DPF3: variants seen among roughly 807,000 people sequenced by gnomAD.
DPF3 encodes the protein double PHD fingers 3.
A neutral mutation model predicts 56.8 loss-of-function variants in DPF3; 18 were observed. The ratio of observed to expected loss-of-function variants is 0.32; its 90% confidence interval spans 0.22 to 0.47. The LOEUF (loss-of-function observed/expected upper bound fraction) is 0.47. DPF3 is among the 20% of genes least tolerant of loss of function. The probability of loss-of-function intolerance (pLI) is 1.00; values close to 1 mark genes in which losing one functional copy is unlikely to be tolerated. For missense variants in DPF3, 403 were observed against 488.8 expected, an observed-to-expected ratio of 0.82 and a Z score of 1.65; for synonymous variants, 188 against 180.2, an observed-to-expected ratio of 1.04 and a Z score of -0.35.
chr14:72,800,794 A>C (rs1892863078), intron 1 of DPF3, among the ~76,000 whole-genome samples: 1 of 151,858 alleles, frequency 6.6e-6, no homozygotes, highest in African/African-American at 2.4e-5. Flanking sequence ...GGGTGGATGC[A>C]GGGATGGATG....
intron 1 of DPF3, among the ~76,000 whole-genome samples, chr14:72,869,822 C>T (rs1482466431): frequency 1.3e-5 from 2 of 152,124 alleles, no homozygotes; most frequent in Non-Finnish European, 2.9e-5. Flanking sequence ...AACGATCTTC[C>T]TCCCTCCTAT....
intron 1 of DPF3, among the ~76,000 whole-genome samples, chr14:72,893,538 C>T (rs1318082570): frequency 1.3e-5 from 2 of 152,102 alleles, no homozygotes; most frequent in Non-Finnish European, 2.9e-5. Flanking sequence ...CGAAGAGCGC[C>T]CTGCAAACTC....
chr14:72,717,321 A>G (rs961550383), intron 5 of DPF3, among the ~76,000 whole-genome samples: 4 of 152,202 alleles, frequency 2.6e-5, no homozygotes, highest in Non-Finnish European at 5.9e-5. Context: ...AGTTTTCTCA[A>G]CTGTAAAATG....
rs139648488 is a variant in DPF3, at chr14:72,821,964, G to A, written c.33-50071C>T. 5.7e-3 allele frequency among the ~76,000 whole-genome samples: 863 copies of A among 152,134 alleles called. 5 individuals carry two copies. Among genetic ancestry groups the A allele is most frequent in the Non-Finnish European group, 8.8e-3 (600 of 67,994 alleles). On this transcript the variant is annotated intron_variant, in intron 1 of 10. Coordinates refer to ENST00000556509, the MANE Select transcript of DPF3 (RefSeq NM_001280542.3). ...TCAAGGCTGCAGTAAGCTATGACAC[G>A]CCACTGCACTCCAGCCTGGGTGACA...
intron 7 of DPF3, chr14:72,675,583 C>A (rs1038805056): frequency 2.6e-5 from 4 of 152,210 alleles, no homozygotes; most frequent in Non-Finnish European, 4.4e-5. Flanking sequence ...AACGGATTCA[C>A]CCACTTTAAT....
In DPF3 at chr14:72,613,636, A is replaced by G. The variant is rs1175594213; in HGVS notation, c.*5661T>C. Among the ~76,000 whole-genome samples, 1 of 152,182 alleles carries G rather than the reference A, an allele frequency of 6.6e-6. No individual in the cohort carries two copies. Among genetic ancestry groups the G allele is most frequent in the Non-Finnish European group, 1.5e-5 (1 of 68,012 alleles). Reference sequence around the variant, plus strand: ...ACCCCCTCACAGCCAGGGCTCACTCAGAACCCAGAGAGAGCCTGTTCCCAG... The same window carrying G: ...ACCCCCTCACAGCCAGGGCTCACTCGGAACCCAGAGAGAGCCTGTTCCCAG... On this transcript the variant is annotated 3_prime_UTR_variant, in exon 11 of 11. Coordinates refer to ENST00000556509, the MANE Select transcript of DPF3 (RefSeq NM_001280542.3).
chr14:72,662,143 T>C, intron 8 of DPF3: 2 of 985,328 alleles, frequency 2.0e-6, no homozygotes, highest in South Asian at 4.7e-5. Context: ...CAATAGACTT[T>C]TGAAGGAGGA....
At chr14:72,860,247 A>G (rs1885343679) in intron 1 of DPF3, among the ~76,000 whole-genome samples, 1 of 152,204 alleles carries the variant, frequency 6.6e-6, no homozygotes, top group Admixed American at 6.5e-5. Flanking sequence ...CAGTGGCACA[A>G]TCATAGCTCA....
At chr14:72,776,786 A>T (rs1385620518) in intron 1 of DPF3, among the ~76,000 whole-genome samples, 1 of 151,632 alleles carries the variant, frequency 6.6e-6, no homozygotes, top group Non-Finnish European at 1.5e-5. Context: ...CCATACCAGA[A>T]ATGTGAGTCC....
At chr14:72,807,718 T>C (rs1882845981) in intron 1 of DPF3, among the ~76,000 whole-genome samples, 1 of 152,118 alleles carries the variant, frequency 6.6e-6, no homozygotes, top group African/African-American at 2.4e-5. Flanking sequence ...GTATGAATAT[T>C]AGAGCTACAA....
chr14:72,808,191 T>A (rs926805432), intron 1 of DPF3, among the ~76,000 whole-genome samples: 1 of 151,386 alleles, frequency 6.6e-6, no homozygotes, highest in African/African-American at 2.4e-5. Context: ...AAGAGAGAAA[T>A]GGAGTAAGGG....
intron 4 of DPF3, among the ~76,000 whole-genome samples, chr14:72,729,184 G>T (rs112957496): frequency 6.6e-6 from 1 of 152,234 alleles, no homozygotes; most frequent in Non-Finnish European, 1.5e-5. Context: ...GTAGGCAGAG[G>T]TTGCAGCGAG....
intron 6 of DPF3, among the ~76,000 whole-genome samples, chr14:72,697,711 G>A (rs1428782499): frequency 1.3e-5 from 2 of 152,174 alleles, no homozygotes; most frequent in African/African-American, 4.8e-5. Context: ...TGGATTTGAA[G>A]GTAGCGAGGG....
chr14:72,740,364 G>A (rs1890074672), intron 3 of DPF3, among the ~76,000 whole-genome samples: 1 of 152,246 alleles, frequency 6.6e-6, no homozygotes, highest in Non-Finnish European at 1.5e-5. Context: ...AGCAGATGTG[G>A]GGTGACCAGT....
intron 3 of DPF3, among the ~76,000 whole-genome samples, chr14:72,740,499 G>C (rs959874325): frequency 6.6e-6 from 1 of 152,162 alleles, no homozygotes; most frequent in African/African-American, 2.4e-5. Flanking sequence ...ATGTGTCCTG[G>C]GGGCAGTAAG....
At chr14:72,831,547 A>AG (rs1884059532) in intron 1 of DPF3, among the ~76,000 whole-genome samples, 1 of 152,158 alleles carries the variant, frequency 6.6e-6, no homozygotes, top group Non-Finnish European at 1.5e-5. Context: ...CTTCAAGAAC[A>AG]GGGGATCCAA....
At chr14:72,870,798 G>A (rs1317698455) in intron 1 of DPF3, among the ~76,000 whole-genome samples, 1 of 152,172 alleles carries the variant, frequency 6.6e-6, no homozygotes, top group African/African-American at 2.4e-5. Flanking sequence ...AACGAGGCTG[G>A]GCACAGTGGC....
At chr14:72,711,253 C>T (rs887362761) in intron 6 of DPF3, among the ~76,000 whole-genome samples, 10 of 152,100 alleles carry the variant, frequency 6.6e-5, no homozygotes, top group Admixed American at 2.6e-4. Flanking sequence ...ATGGCAGGGA[C>T]GGCAAATCTG....
intron 1 of DPF3, among the ~76,000 whole-genome samples, chr14:72,799,947 C>T (rs1047738495): frequency 1.3e-5 from 2 of 152,112 alleles, no homozygotes; most frequent in Non-Finnish European, 2.9e-5. Context: ...GACCGAGTCA[C>T]GAGTGAAGAA....
Sources: allele counts gnomAD v4.1 joint callset (sites outside exome capture counted in the v4.1 genomes callset), GRCh38; gene constraint gnomAD v4.1.1; transcripts MANE v1.5; gene names NCBI Gene and HGNC (gene_info 2026-07-23, HGNC 2026-07-21).